The following AKAP19 variants were observed in gnomAD, a reference collection of about 807,000 sequenced individuals.
AKAP19 encodes the protein small A-kinase anchoring protein.
the AKAP19 span, among the ~76,000 whole-genome samples, chr2:190,051,176 G>A: frequency 6.6e-6 from 1 of 152,084 alleles, no homozygotes; most frequent in African/African-American, 2.4e-5. Flanking sequence ...GCATCTCTCT[G>A]AGCCTCAACT....
At chr2:190,038,876 C>T in the AKAP19 span, among the ~76,000 whole-genome samples, 1 of 60,496 alleles carries the variant, frequency 1.7e-5, no homozygotes, top group Admixed American at 2.2e-4. Flanking sequence ...GTAGAGTCCT[C>T]CCTCTTTCTT....
the AKAP19 span, among the ~76,000 whole-genome samples, chr2:190,123,810 T>C: frequency 6.6e-6 from 1 of 152,230 alleles, no homozygotes; most frequent in Non-Finnish European, 1.5e-5. Flanking sequence ...GAGATTAGCA[T>C]GTGAGTCTGA....
the AKAP19 span, chr2:189,930,853 C>G: frequency 1.3e-6 from 1 of 751,534 alleles, no homozygotes; most frequent in Non-Finnish European, 2.4e-6. Context: ...TAGGTGTTTG[C>G]TAGGTGTTGG....
At chr2:190,134,432 C>T in the AKAP19 span, among the ~76,000 whole-genome samples, 109 of 152,028 alleles carry the variant, frequency 7.2e-4, 1 homozygote, top group African/African-American at 2.5e-3. Context: ...TTATTAAATG[C>T]TCTTAAAAAT....
the AKAP19 span, among the ~76,000 whole-genome samples, chr2:189,973,886 C>A: frequency 1.3e-5 from 2 of 151,956 alleles, no homozygotes; most frequent in Non-Finnish European, 2.9e-5. Context: ...TCTTATTAGT[C>A]TTGCTAGCAG....
At chr2:190,121,739 T>G in the AKAP19 span, among the ~76,000 whole-genome samples, 1 of 152,170 alleles carries the variant, frequency 6.6e-6, no homozygotes, top group Admixed American at 6.5e-5. Context: ...TTCAAAGGAA[T>G]CAGTTCAGCA....
chr2:190,158,122 G>A, the AKAP19 span, among the ~76,000 whole-genome samples: 9 of 152,138 alleles, frequency 5.9e-5, no homozygotes, highest in African/African-American at 2.2e-4. Flanking sequence ...CCCCTGTCAC[G>A]TACCCCTTGC....
chr2:190,011,877 T>A, the AKAP19 span, among the ~76,000 whole-genome samples: 1 of 152,180 alleles, frequency 6.6e-6, no homozygotes, highest in African/African-American at 2.4e-5. Flanking sequence ...AGTCTCTAGA[T>A]TTGTTCTTTT....
At chr2:190,026,793 G>T in the AKAP19 span, among the ~76,000 whole-genome samples, 2 of 152,076 alleles carry the variant, frequency 1.3e-5, no homozygotes, top group African/African-American at 4.8e-5. Context: ...GGGCACACTG[G>T]CATACTGTTG....
At chr2:189,948,964 C>T in the AKAP19 span, among the ~76,000 whole-genome samples, 1 of 151,732 alleles carries the variant, frequency 6.6e-6, no homozygotes, top group African/African-American at 2.4e-5. Flanking sequence ...TTTTATTTTA[C>T]ATTTAACTCT....
chr2:189,909,269 T>G, the AKAP19 span, among the ~76,000 whole-genome samples: 2 of 151,030 alleles, frequency 1.3e-5, no homozygotes, highest in Admixed American at 1.3e-4. Context: ...GCAAGTCTCT[T>G]GTAGGCAGCT....
the AKAP19 span, among the ~76,000 whole-genome samples, chr2:189,984,867 G>A: frequency 1.4e-3 from 207 of 152,074 alleles, no homozygotes; most frequent in African/African-American, 4.2e-3. Flanking sequence ...GTGCGATGAC[G>A]CAAAGGCAGA....
At chr2:190,089,732 C>A in the AKAP19 span, 2 of 152,144 alleles carry the variant, frequency 1.3e-5, no homozygotes, top group Non-Finnish European at 2.9e-5. Context: ...AGACATTCAG[C>A]AAAGTGTTAC....
the AKAP19 span, among the ~76,000 whole-genome samples, chr2:190,158,494 A>G: frequency 5.9e-5 from 9 of 152,384 alleles, 1 homozygote; most frequent in South Asian, 1.7e-3. Flanking sequence ...AAGAATTTAT[A>G]TATAGATTCT....
At chr2:189,909,381 G>T in the AKAP19 span, among the ~76,000 whole-genome samples, 4 of 151,786 alleles carry the variant, frequency 2.6e-5, no homozygotes, top group African/African-American at 7.3e-5. Context: ...AAGACTTATT[G>T]TTTATCATGT....
the AKAP19 span, among the ~76,000 whole-genome samples, chr2:190,093,782 T>A: frequency 6.6e-6 from 1 of 152,246 alleles, no homozygotes; most frequent in Admixed American, 6.5e-5. Context: ...GAAAGGTTGT[T>A]GATAGATTCC....
chr2:190,001,205 CT>C, the AKAP19 span, among the ~76,000 whole-genome samples: 24 of 152,046 alleles, frequency 1.6e-4, no homozygotes, highest in Admixed American at 6.5e-5. Flanking sequence ...GAATCTCTAT[CT>C]GTTGGTTCTT....
the AKAP19 span, among the ~76,000 whole-genome samples, chr2:190,042,124 T>G: frequency 6.6e-6 from 1 of 152,152 alleles, no homozygotes; most frequent in African/African-American, 2.4e-5. Flanking sequence ...CTGGTAGAAT[T>G]TGGCTGTGAA....
At chr2:189,896,599 T>C in the AKAP19 span, among the ~76,000 whole-genome samples, 1 of 152,082 alleles carries the variant, frequency 6.6e-6, no homozygotes, top group African/African-American at 2.4e-5. Context: ...ATAGAAGTGG[T>C]TTATATCAAT....
Sources: gnomAD v4.1 joint callset for allele counts (sites outside exome capture counted in the v4.1 genomes callset) on GRCh38, gnomAD v4.1.1 for gene constraint, MANE v1.5 for transcripts, NCBI Gene and HGNC (gene_info 2026-07-23, HGNC 2026-07-21) for gene names.